The following ERC2 variants were observed in gnomAD, a reference collection of about 807,000 sequenced individuals.
ERC2 encodes the protein ELKS/RAB6-interacting/CAST family member 2.
A neutral mutation model predicts 114.8 loss-of-function variants in ERC2; 42 were observed. The observed-to-expected ratio is 0.37, with a 90% CI of 0.29 to 0.47. The LOEUF is 0.47. ERC2 is among the 20% of genes least tolerant of loss of function. ERC2 has a pLI of 0.99. For synonymous variants in ERC2, 454 were observed against 425.5 expected (o/e 1.07, Z -0.82); for missense variants, 939 against 1,150.7 (o/e 0.82, Z 2.66).
chr3:55,525,165 CA>C (rs1335415732), intron 17 of ERC2, among the ~76,000 whole-genome samples: 1 of 152,204 alleles, frequency 6.6e-6, no homozygotes, highest in Non-Finnish European at 1.5e-5. Flanking sequence ...AGCAGGAAGG[CA>C]GAAGAATTTC....
intron 17 of ERC2, among the ~76,000 whole-genome samples, chr3:55,568,880 C>T (rs2056534693): frequency 6.6e-6 from 1 of 152,188 alleles, no homozygotes; most frequent in Non-Finnish European, 1.5e-5. Flanking sequence ...CCTGACTGCT[C>T]TACCTATCCT....
intron 11 of ERC2, among the ~76,000 whole-genome samples, chr3:55,987,996 G>A (rs368274655): frequency 5.9e-5 from 9 of 152,210 alleles, no homozygotes; most frequent in South Asian, 2.1e-4. Context: ...TACATGAAAG[G>A]TCACCCAAAC....
intron 7 of ERC2, among the ~76,000 whole-genome samples, chr3:56,043,060 C>T (rs1284006678): frequency 6.6e-6 from 1 of 152,026 alleles, no homozygotes; most frequent in South Asian, 2.1e-4. Flanking sequence ...CGTGGCTAAA[C>T]GTATTGAGAG....
chr3:56,208,762 A>C (rs780845330), intron 3 of ERC2, among the ~76,000 whole-genome samples: 1 of 152,178 alleles, frequency 6.6e-6, no homozygotes, highest in Admixed American at 6.5e-5. Context: ...CCAGCAGGAA[A>C]GAAAGTGCCT....
chr3:55,708,771 G>C (rs1421583147), intron 15 of ERC2, among the ~76,000 whole-genome samples: 1 of 151,838 alleles, frequency 6.6e-6, no homozygotes, highest in Non-Finnish European at 1.5e-5. Context: ...ATGGAGGAGT[G>C]GAAGAAGAAA....
At chr3:56,044,995 CAT>C (rs1241621647) in intron 7 of ERC2, among the ~76,000 whole-genome samples, 2 of 152,126 alleles carry the variant, frequency 1.3e-5, no homozygotes, top group East Asian at 3.8e-4. Context: ...AACATAGTAA[CAT>C]GTGCTAGAAA....
intron 3 of ERC2, among the ~76,000 whole-genome samples, chr3:56,226,165 T>C (rs1308983460): frequency 5.3e-5 from 8 of 152,210 alleles, no homozygotes; most frequent in Non-Finnish European, 1.2e-4. Flanking sequence ...TTTAATGACC[T>C]ATATTTCACT....
chr3:55,946,275 C>T (rs1375017376), intron 13 of ERC2, among the ~76,000 whole-genome samples: 1 of 152,092 alleles, frequency 6.6e-6, no homozygotes, highest in African/African-American at 2.4e-5. Context: ...CAGAATTATA[C>T]AAGAAAATCA....
rs2057417158 is a variant in ERC2 at position 55,583,530 on chromosome 3, T to TCCC, written c.*40-72255_*40-72254insGGG. ...CTCCCTCCCTCCCTCCCTCCCTTCC[T>TCCC]TCCTTCCTTCCTTTCTTCCTTCCTT... On this transcript the variant is annotated intron_variant, in intron 17 of 17. Coordinates refer to ENST00000288221, the MANE Select transcript of ERC2 (RefSeq NM_015576.3). Among the ~76,000 whole-genome samples, 4 of 55,660 alleles carry TCCC rather than the reference T, an allele frequency of 7.2e-5. No individual in the cohort carries two copies. The South Asian group carries it at 3.9e-3, about 54-fold the overall frequency. The allele number at this position is 55,660 out of a possible 152,430, so 36.5% of individuals were successfully genotyped here.
At chr3:56,086,370 G>T (rs1262218236) in intron 6 of ERC2, among the ~76,000 whole-genome samples, 1 of 152,018 alleles carries the variant, frequency 6.6e-6, no homozygotes, top group Non-Finnish European at 1.5e-5. Flanking sequence ...CTTCTGTTTG[G>T]GGGGTTTATT....
chr3:55,921,313 T>C (rs575855989), intron 13 of ERC2, among the ~76,000 whole-genome samples: 1 of 152,182 alleles, frequency 6.6e-6, no homozygotes, highest in Admixed American at 6.5e-5. Context: ...CTATCATCCT[T>C]ATTATGGTGT....
chr3:55,562,334 G>A (rs1403146077), intron 17 of ERC2, among the ~76,000 whole-genome samples: 1 of 151,978 alleles, frequency 6.6e-6, no homozygotes, highest in Non-Finnish European at 1.5e-5. Context: ...TGTATTTTTA[G>A]TAGAGACGGG....
chr3:55,564,801 C>T (rs58848163), intron 17 of ERC2, among the ~76,000 whole-genome samples: 1,726 of 152,310 alleles, frequency 0.011, 33 homozygotes, highest in African/African-American at 0.039. Context: ...CTGGAGCTTG[C>T]GAGCAACCAT....
At chr3:55,835,115 A>G (rs1345372623) in intron 14 of ERC2, among the ~76,000 whole-genome samples, 1 of 152,132 alleles carries the variant, frequency 6.6e-6, no homozygotes, top group African/African-American at 2.4e-5. Flanking sequence ...TCAATAGCTT[A>G]CCAACAAAAA....
At chr3:56,106,358 T>C (rs186423406) in intron 6 of ERC2, among the ~76,000 whole-genome samples, 21 of 152,354 alleles carry the variant, frequency 1.4e-4, no homozygotes, top group Admixed American at 1.3e-3. Flanking sequence ...TCCAGTTATG[T>C]ATTAGAGCTC....
intron 2 of ERC2, among the ~76,000 whole-genome samples, chr3:56,388,304 CTG>C (rs1411933865): frequency 6.6e-6 from 1 of 152,088 alleles, no homozygotes; most frequent in African/African-American, 2.4e-5. Context: ...AGTTCTCACT[CTG>C]TGAGTTCGTG....
chr3:56,303,714 T>A (rs1333996082), intron 2 of ERC2, among the ~76,000 whole-genome samples: 1 of 152,188 alleles, frequency 6.6e-6, no homozygotes, highest in Non-Finnish European at 1.5e-5. Flanking sequence ...GAGAGCGAAC[T>A]GGGACTCACT....
chr3:56,426,284 A>T (rs542571813), intron 2 of ERC2, among the ~76,000 whole-genome samples: 2 of 152,278 alleles, frequency 1.3e-5, no homozygotes, highest in African/African-American at 4.8e-5. Flanking sequence ...CCATCAGGAC[A>T]CTTTGGAAGG....
chr3:55,896,035 C>T (rs2063827622), intron 13 of ERC2, among the ~76,000 whole-genome samples: 1 of 152,136 alleles, frequency 6.6e-6, no homozygotes, highest in African/African-American at 2.4e-5. Flanking sequence ...GTCTCAGGTT[C>T]TGCGCTGGTA....
Sources: gnomAD v4.1 joint callset for allele counts (sites outside exome capture counted in the v4.1 genomes callset) on GRCh38, gnomAD v4.1.1 for gene constraint, MANE v1.5 for transcripts, NCBI Gene and HGNC (gene_info 2026-07-23, HGNC 2026-07-21) for gene names.